Variants in STXBP4 observed in about 807,000 individuals in gnomAD.
STXBP4 encodes the protein syntaxin binding protein 4.
A neutral mutation model predicts 76.1 loss-of-function variants in STXBP4; 55 were observed. The observed-to-expected ratio is 0.72, with a 90% CI of 0.58 to 0.91. The LOEUF (loss-of-function observed/expected upper bound fraction) is 0.91. STXBP4 is among the 40% of genes least tolerant of loss of function. The pLI, the probability that STXBP4 is intolerant of heterozygous loss-of-function variation, is 0.00. For synonymous variants in STXBP4, 201 were observed against 220.2 expected (o/e 0.91, Z 0.77); for missense variants, 618 against 636.9 (o/e 0.97, Z 0.32).
Position 55,084,678 on chromosome 17 carries a change from C to A in STXBP4, c.1489+3495C>A, listed in dbSNP as rs552738491. On this transcript the variant is annotated intron_variant, in intron 16 of 17. Coordinates refer to ENST00000376352, the MANE Select transcript of STXBP4 (RefSeq NM_178509.6). ...TTTGTATAAGGTGTAAGGAAGGGAT[C>A]CAGTTTCAGCTTTCTACATATGGCT... Among the ~76,000 whole-genome samples the A allele has an allele frequency of 1.6e-3, 237 of 151,972 alleles. 7 individuals carry two copies. The South Asian group carries it at 0.045, about 29-fold the overall frequency.
intron 10 of STXBP4, among the ~76,000 whole-genome samples, chr17:55,036,513 T>C (rs1420125402): frequency 6.6e-6 from 1 of 151,822 alleles, no homozygotes; most frequent in Non-Finnish European, 1.5e-5. Context: ...CCTTATATCT[T>C]ACAACCTTGT....
Position 55,142,102 on chromosome 17 carries a change from C to T in STXBP4, c.1547+735C>T, listed in dbSNP as rs372308561. On this transcript the variant is annotated intron_variant, in intron 17 of 17. Transcript: ENST00000376352. ...AGAACTAGAGTCAAAGTCTTCTGAC[C>T]GCAAGATTCTACTATCTGCACTAGA... Among the ~76,000 whole-genome samples the T allele has an allele frequency of 3.9e-5, 6 of 152,086 alleles. No homozygotes were observed. In the East Asian group the frequency reaches 5.8e-4, roughly 15 times the overall value.
chr17:55,192,853 G>T, the STXBP4 span, among the ~76,000 whole-genome samples: 5 of 152,110 alleles, frequency 3.3e-5, no homozygotes, highest in Non-Finnish European at 7.4e-5. Flanking sequence ...TCAAATCTTT[G>T]TCTTATATTG....
chr17:55,046,986 C>T, intron 11 of STXBP4, 103 bp from the exon 12 acceptor site: 1 of 604,976 alleles, frequency 1.7e-6, no homozygotes, highest in Middle Eastern at 3.0e-4. Flanking sequence ...CAGATTGTAG[C>T]AATTTGATAT....
chr17:55,138,551 G>T (rs572560082), intron 16 of STXBP4, among the ~76,000 whole-genome samples: 16 of 152,046 alleles, frequency 1.1e-4, no homozygotes, highest in Non-Finnish European at 2.1e-4. Context: ...AATGTTATGG[G>T]AGGGTTCATA....
At chr17:54,993,099 G>C (rs539837640) in intron 4 of STXBP4, among the ~76,000 whole-genome samples, 2 of 152,154 alleles carry the variant, frequency 1.3e-5, no homozygotes, top group South Asian at 2.1e-4. Context: ...AGTTGATAGC[G>C]GTGGTGCTGA....
intron 8 of STXBP4, among the ~76,000 whole-genome samples, chr17:55,023,444 A>G (rs1454017637): frequency 6.6e-6 from 1 of 152,250 alleles, no homozygotes; most frequent in Non-Finnish European, 1.5e-5. Context: ...AAGTAATTTT[A>G]TATAATGTTT....
At chr17:54,979,904 T>C (rs1826525728) in intron 1 of STXBP4, among the ~76,000 whole-genome samples, 1 of 152,192 alleles carries the variant, frequency 6.6e-6, no homozygotes, top group Non-Finnish European at 1.5e-5. Context: ...AAAAGTACTC[T>C]GGCAAGGAAG....
chr17:55,193,585 A>G, the STXBP4 span, among the ~76,000 whole-genome samples: 1 of 152,094 alleles, frequency 6.6e-6, no homozygotes, highest in African/African-American at 2.4e-5. Context: ...TGGTGAATTG[A>G]GAAGTTATCT....
At chr17:55,113,941 A>C (rs908932514) in intron 16 of STXBP4, among the ~76,000 whole-genome samples, 2 of 152,040 alleles carry the variant, frequency 1.3e-5, no homozygotes, top group African/African-American at 4.8e-5. Context: ...CAATCAACAT[A>C]ATCTTTGCGA....
intron 16 of STXBP4, among the ~76,000 whole-genome samples, chr17:55,093,831 G>T (rs1454125179): frequency 6.6e-6 from 1 of 152,002 alleles, no homozygotes; most frequent in Non-Finnish European, 1.5e-5. Context: ...GTCTACAATG[G>T]GCCAGACCCT....
At position 55,160,856 on chromosome 17, in the gene STXBP4, G is replaced by A. The variant is rs1161799357; in HGVS notation, c.*945G>A. 1 of 152,334 alleles carries A rather than the reference G, an allele frequency of 6.6e-6. No individual in the cohort carries two copies. The highest frequency in any genetic ancestry group is 1.5e-5 in the Non-Finnish European group (1 of 68,136). 9.4% of individuals were successfully genotyped at this position (152,334 alleles called of 1,614,324 possible). ...CACTCTTTGTGATATTGTTTCAGCA[G>A]ACTTCTTTCAGCAGCTCGTGTTTTT... is the stretch of plus-strand genomic sequence containing the variant. On this transcript the variant is annotated 3_prime_UTR_variant, in exon 18 of 18. Transcript: ENST00000376352.
rs149788042 is a variant in STXBP4 at position 55,159,928 on chromosome 17, G to T, written c.*17G>T. On this transcript the variant is annotated 3_prime_UTR_variant, in exon 18 of 18. Coordinates refer to ENST00000376352, the MANE Select transcript of STXBP4 (RefSeq NM_178509.6). Reference sequence around the variant, plus strand: ...AAAAGTTGATGGTTTTCCTTAGGAAGTGGAGCTACATGGATGATGTGAGCA... The same window carrying T: ...AAAAGTTGATGGTTTTCCTTAGGAATTGGAGCTACATGGATGATGTGAGCA... The T allele has an allele frequency of 6.6e-7, 1 of 1,515,636 alleles. No homozygotes were observed. The highest frequency in any genetic ancestry group is 1.4e-5 in the African/African-American group (1 of 73,034). The allele number at this position is 1,515,636 out of a possible 1,614,324, so 93.9% of individuals were successfully genotyped here.
intron 4 of STXBP4, among the ~76,000 whole-genome samples, chr17:54,995,956 T>C (rs1439259801): frequency 1.3e-5 from 2 of 152,112 alleles, no homozygotes; most frequent in African/African-American, 4.8e-5. Flanking sequence ...TTATGCCTAA[T>C]GAAAGAATTG....
chr17:55,150,035 GA>G, intron 17 of STXBP4, among the ~76,000 whole-genome samples: 1 of 152,224 alleles, frequency 6.6e-6, no homozygotes, highest in South Asian at 2.1e-4. Flanking sequence ...AAAGTACTTT[GA>G]AAACTCGTAA....
intron 16 of STXBP4, among the ~76,000 whole-genome samples, chr17:55,116,918 G>T (rs1223673090): frequency 6.6e-6 from 1 of 151,714 alleles, no homozygotes. Context: ...CACTATCTGT[G>T]TAAAGTTTTT....
chr17:54,979,581 A>G (rs142246491), intron 1 of STXBP4, among the ~76,000 whole-genome samples: 23 of 152,246 alleles, frequency 1.5e-4, no homozygotes, highest in Middle Eastern at 6.8e-3. Flanking sequence ...AAATTCTCCA[A>G]TCAGTCTACA....
chr17:55,043,322 T>G lies in STXBP4; in HGVS notation c.942T>G (p.Leu314=). 1 of 1,476,442 alleles carries G rather than the reference T, an allele frequency of 6.8e-7. No individual in the cohort carries two copies. Among genetic ancestry groups the G allele is most frequent in the Non-Finnish European group, 9.1e-7 (1 of 1,104,052 alleles). 91.5% of individuals were successfully genotyped at this position (1,476,442 alleles called of 1,614,324 possible). The part of the protein sequence containing the change: ...RDDALKEVNT[L]KEKLLESDKQ... ...ATGCCTTGAAAGAAGTAAATACACT[T>G]AAGGTAACCTCTAATTTAGTTTCCT... Residue 314 remains leucine (L), a synonymous_variant, in exon 11 of 18, where the codon CTT becomes CTG. Transcript: ENST00000376352.
intron 3 of STXBP4, among the ~76,000 whole-genome samples, chr17:54,987,816 A>G (rs1360135521): frequency 1.3e-5 from 2 of 152,166 alleles, no homozygotes; most frequent in African/African-American, 4.8e-5. Flanking sequence ...CATTCCCACC[A>G]GCAGTGTGCA....
Sources: gnomAD v4.1 joint callset for allele counts (sites outside exome capture counted in the v4.1 genomes callset) on GRCh38, gnomAD v4.1.1 for gene constraint, MANE v1.5 for transcripts, NCBI Gene and HGNC (gene_info 2026-07-23, HGNC 2026-07-21) for gene names.